The following NPIPB2 variants were observed in gnomAD, a reference collection of about 807,000 sequenced individuals.
NPIPB2 encodes the protein nuclear pore complex-interacting protein family member B2.
A neutral mutation model predicts 30.8 loss-of-function variants in NPIPB2; 27 were observed. The observed-to-expected ratio is 0.88, with a 90% CI of 0.65 to 1.21. The LOEUF (loss-of-function observed/expected upper bound fraction) is 1.21, where lower values mean the gene tolerates loss of function less well. Among genes scored for constraint, NPIPB2 ranks in the 50% most tolerant of loss-of-function variants. NPIPB2 has a pLI of 0.00. For missense variants in NPIPB2, 440 were observed against 446.2 expected, an observed-to-expected ratio of 0.99 and a Z score of 0.13; for synonymous variants, 147 against 162.0, an observed-to-expected ratio of 0.91 and a Z score of 0.70.
intron 1 of NPIPB2, among the ~76,000 whole-genome samples, chr16:11,969,593 T>C (rs183610441): frequency 6.6e-6 from 1 of 152,304 alleles, no homozygotes; most frequent in East Asian, 1.9e-4. Context: ...ACTTATGTAC[T>C]TCTGCAAACA....
chr16:11,934,226 T>TCACTCA (rs1555507979), intron 2 of NPIPB2, among the ~76,000 whole-genome samples: 57 of 121,830 alleles, frequency 4.7e-4, no homozygotes, highest in African/African-American at 1.9e-3. Flanking sequence ...TGAGACTCTG[T>TCACTCA]CACACACACA....
At chr16:11,972,189 G>A (rs554029133) in intron 1 of NPIPB2, among the ~76,000 whole-genome samples, 3 of 152,094 alleles carry the variant, frequency 2.0e-5, no homozygotes, top group Admixed American at 6.6e-5. Context: ...TCTGTGTTAA[G>A]ATAAGGGATT....
intron 1 of NPIPB2, among the ~76,000 whole-genome samples, chr16:11,971,294 G>T (rs2055234147): frequency 6.6e-6 from 1 of 152,132 alleles, no homozygotes; most frequent in Non-Finnish European, 1.5e-5. Flanking sequence ...ACAGCCCTCA[G>T]GAGATTCTGA....
chr16:11,940,555 G>A (rs1484146048), intron 1 of NPIPB2, among the ~76,000 whole-genome samples: 3 of 146,410 alleles, frequency 2.0e-5, no homozygotes, highest in Non-Finnish European at 3.0e-5. Context: ...TGGCGAACAT[G>A]GTGAAACCCC....
chr16:11,942,200 G>C (rs1462548273), upstream of NPIPB2: 2 of 883,944 alleles, frequency 2.3e-6, no homozygotes, highest in African/African-American at 3.4e-5. Context: ...TTTTGTTCCA[G>C]CAAATCTCAA....
At chr16:11,957,309 C>A (rs1397681439) in intron 1 of NPIPB2, among the ~76,000 whole-genome samples, 1 of 152,038 alleles carries the variant, frequency 6.6e-6, no homozygotes, top group Non-Finnish European at 1.5e-5. Flanking sequence ...GGACTACAGG[C>A]GTGTGACACC....
At chr16:11,975,779 T>TG (rs889949316) in intron 1 of NPIPB2, among the ~76,000 whole-genome samples, 9 of 151,884 alleles carry the variant, frequency 5.9e-5, no homozygotes, top group Admixed American at 5.9e-4. Flanking sequence ...TTAGTAGAGA[T>TG]GGGGTTTCAC....
chr16:11,943,088 G>A (rs1373714854), upstream of NPIPB2, among the ~76,000 whole-genome samples: 3 of 152,170 alleles, frequency 2.0e-5, no homozygotes, highest in Non-Finnish European at 4.4e-5. Flanking sequence ...TTGGGAGGCC[G>A]AGGTGGGCGG....
intron 2 of NPIPB2, among the ~76,000 whole-genome samples, chr16:11,936,795 C>T (rs1463379282): frequency 1.4e-5 from 2 of 143,612 alleles, no homozygotes; most frequent in Admixed American, 7.0e-5. Context: ...CCCAGACACA[C>T]TTTTCATTGA....
downstream of NPIPB2, chr16:11,927,300 T>G (rs2054728701): frequency 1.4e-6 from 1 of 739,474 alleles, no homozygotes; most frequent in Non-Finnish European, 2.3e-6. Flanking sequence ...TTTGTTAGTT[T>G]GTTTTTGGAG....
chr16:11,976,172 G>A (rs1018376642), intron 1 of NPIPB2, among the ~76,000 whole-genome samples: 4 of 151,872 alleles, frequency 2.6e-5, no homozygotes, highest in Non-Finnish European at 4.4e-5. Flanking sequence ...CAGGTGATCC[G>A]CTCGCCTCGG....
intron 1 of NPIPB2, among the ~76,000 whole-genome samples, chr16:11,962,715 T>G (rs568068128): frequency 2.0e-4 from 30 of 152,158 alleles, no homozygotes; most frequent in African/African-American, 6.7e-4. Flanking sequence ...TTACTTTTCA[T>G]TGAAAAATCT....
At chr16:11,971,451 G>C (rs574816132) in intron 1 of NPIPB2, among the ~76,000 whole-genome samples, 2 of 151,116 alleles carry the variant, frequency 1.3e-5, no homozygotes, top group Admixed American at 6.6e-5. Context: ...GTGGGGTGGT[G>C]GGGGGGTGGG....
chr16:11,969,133 T>C (rs936302524), intron 1 of NPIPB2, among the ~76,000 whole-genome samples: 3 of 151,924 alleles, frequency 2.0e-5, no homozygotes, highest in African/African-American at 7.3e-5. Flanking sequence ...TCCCAAAGTG[T>C]TGGGATTACC....
intron 4 of NPIPB2, 88 bp downstream of exon 4, chr16:11,933,429 G>A: frequency 2.6e-6 from 4 of 1,567,146 alleles, no homozygotes; most frequent in South Asian, 1.1e-5. Context: ...CACAAATATT[G>A]TAGAAAATAT....
At chr16:11,933,264 A>G (rs2054815463) in intron 4 of NPIPB2, among the ~76,000 whole-genome samples, 1 of 152,104 alleles carries the variant, frequency 6.6e-6, no homozygotes, top group African/African-American at 2.4e-5. Flanking sequence ...GGAAAAAAAA[A>G]AAAAGAGACA....
chr16:11,946,963 C>T (rs1596498400), upstream of NPIPB2, among the ~76,000 whole-genome samples: 1 of 150,748 alleles, frequency 6.6e-6, no homozygotes, highest in African/African-American at 2.4e-5. Flanking sequence ...GAGGTGTGAT[C>T]CACCTGCCTC....
chr16:11,957,617 A>G (rs957151772), intron 1 of NPIPB2, among the ~76,000 whole-genome samples: 6 of 152,098 alleles, frequency 3.9e-5, no homozygotes, highest in African/African-American at 1.4e-4. Flanking sequence ...ACTTTGAATA[A>G]AGGACACTGC....
At chr16:11,969,536 T>A (rs2055222215) in intron 1 of NPIPB2, among the ~76,000 whole-genome samples, 2 of 152,202 alleles carry the variant, frequency 1.3e-5, no homozygotes, top group Admixed American at 1.3e-4. Flanking sequence ...ATTACAGGCG[T>A]GAGCCACTGT....
Sources: allele counts gnomAD v4.1 joint callset (sites outside exome capture counted in the v4.1 genomes callset), GRCh38; gene constraint gnomAD v4.1.1; transcripts MANE v1.5; gene names NCBI Gene and HGNC (gene_info 2026-07-23, HGNC 2026-07-21).